OR4N2: variants seen among roughly 807,000 people sequenced by gnomAD.
OR4N2 encodes olfactory receptor family 4 subfamily N member 2.
For missense variants in OR4N2, 307 were observed against 377.6 expected (o/e 0.81, Z 1.55); for synonymous variants, 141 against 140.4 (o/e 1.00, Z -0.03).
intron 1 of OR4N2, among the ~76,000 whole-genome samples, chr14:19,806,352 C>T (rs1201407362): frequency 3.3e-5 from 5 of 149,732 alleles, no homozygotes; most frequent in Admixed American, 3.3e-4. Flanking sequence ...ATGAAACCCA[C>T]AGGGTCAAAG....
intron 1 of OR4N2, among the ~76,000 whole-genome samples, chr14:19,814,764 T>C (rs1209995248): frequency 1.3e-5 from 2 of 152,254 alleles, no homozygotes; most frequent in Non-Finnish European, 2.9e-5. Context: ...GGTGGCTTGC[T>C]GCACCCATCA....
In OR4N2 at chr14:19,828,644, G is replaced by A; in HGVS notation, c.*272G>A. The A allele has an allele frequency of 2.9e-6, 1 of 342,364 alleles. No individual in the cohort carries two copies. Among genetic ancestry groups the A allele is most frequent in the East Asian group, 5.8e-5 (1 of 17,334 alleles). The allele number at this position is 342,364 out of a possible 1,614,324, so 21.2% of individuals were successfully genotyped here. ...TAAAAACTAAAAAGAAAAGTGAAAT[G>A]ATAAATTGTGACTCTGGATTGGGAG... On this transcript the variant is annotated 3_prime_UTR_variant, in exon 2 of 2. Transcript: ENST00000557677.
chr14:19,818,702 G>A (rs1879488446), intron 1 of OR4N2, among the ~76,000 whole-genome samples: 3 of 152,084 alleles, frequency 2.0e-5, no homozygotes, highest in African/African-American at 7.3e-5. Context: ...ACATTGTTAT[G>A]TGTGAATTTG....
intron 1 of OR4N2, among the ~76,000 whole-genome samples, chr14:19,812,329 C>CTTTTTTTTTTTCTTTTCTTTTCTTTTCT (rs1879319669): frequency 8.5e-6 from 1 of 117,414 alleles, no homozygotes; most frequent in Non-Finnish European, 1.7e-5. Flanking sequence ...CTTTTCTTTT[C>CTTTTTTTTTTTCTTTTCTTTTCTTTTCT]TTTTTTTTTT....
intron 1 of OR4N2, among the ~76,000 whole-genome samples, chr14:19,804,278 C>T (rs543257354): frequency 6.6e-6 from 1 of 152,086 alleles, no homozygotes; most frequent in African/African-American, 2.4e-5. Flanking sequence ...TAGTTTCTCT[C>T]GGTGTGATGT....
chr14:19,805,472 G>A (rs1286551607), intron 1 of OR4N2, among the ~76,000 whole-genome samples: 1 of 152,204 alleles, frequency 6.6e-6, no homozygotes, highest in African/African-American at 2.4e-5. Flanking sequence ...CAGCAAAATA[G>A]ACCAAGCTAA....
At position 19,808,523 on chromosome 14, in the gene OR4N2, C is replaced by T. The variant is rs1295076120; in HGVS notation, c.-10+4679C>T. On this transcript the variant is annotated intron_variant, in intron 1 of 1. Transcript: ENST00000557677. ...TTAAATCCCTTGGAATACAGTTAAC[C>T]AGAAAACTCTACAAAATTAATGGCA... Among the ~76,000 whole-genome samples the T allele has an allele frequency of 2.6e-5, 4 of 151,700 alleles. No individual in the cohort carries two copies. In the East Asian group the frequency reaches 7.7e-4, roughly 29 times the overall value.
rs117025898 is a variant in OR4N2 at position 19,828,119 on chromosome 14, G to A, written c.671G>A (p.Arg224His). ...LLASYAVILC[R>H]IRGSSSEAKN... ...GCCTCCTATGCAGTCATTCTTTGTC[G>A]CATACGAGGGTCTTCTTCTGAGGCA... is the stretch of plus-strand genomic sequence containing the variant. The change falls in exon 2 of 2, where the codon CGC becomes CAC. Residue 224 changes from arginine to histidine, a missense_variant. Transcript: ENST00000557677. 18,379 of 1,612,530 alleles carry A rather than the reference G, an allele frequency of 0.011. 484 individuals are homozygous for A. The highest frequency in any genetic ancestry group is 0.11 in the Admixed American group (6,301 of 59,782).
intron 1 of OR4N2, among the ~76,000 whole-genome samples, chr14:19,824,534 A>G (rs1232661177): frequency 6.6e-6 from 1 of 152,258 alleles, no homozygotes; most frequent in Non-Finnish European, 1.5e-5. Flanking sequence ...CATAAAACAC[A>G]TGAGTAAGTA....
intron 1 of OR4N2, among the ~76,000 whole-genome samples, chr14:19,826,028 ATAAAG>A (rs1263489940): frequency 6.6e-6 from 1 of 152,254 alleles, no homozygotes; most frequent in East Asian, 1.9e-4. Context: ...ATATTTATTT[ATAAAG>A]TATATATAAA....
intron 1 of OR4N2, among the ~76,000 whole-genome samples, chr14:19,825,273 C>T (rs1879665007): frequency 6.6e-6 from 1 of 152,226 alleles, no homozygotes; most frequent in Non-Finnish European, 1.5e-5. Context: ...GTATTAACCA[C>T]TCTATTCCAT....
chr14:19,809,040 C>T (rs1335090385), intron 1 of OR4N2, among the ~76,000 whole-genome samples: 3 of 152,112 alleles, frequency 2.0e-5, no homozygotes, highest in Non-Finnish European at 4.4e-5. Flanking sequence ...TTTAGAAGCC[C>T]CTACTGAGGA....
chr14:19,816,797 T>C (rs144064454), intron 1 of OR4N2, among the ~76,000 whole-genome samples: 7,776 of 150,790 alleles, frequency 0.052, 68 homozygotes, highest in Non-Finnish European at 0.063. Flanking sequence ...ATGCTTCCAG[T>C]TTTTGCCCAT....
intron 1 of OR4N2, among the ~76,000 whole-genome samples, chr14:19,820,293 G>T (rs1253620199): frequency 6.6e-6 from 1 of 152,258 alleles, no homozygotes; most frequent in Non-Finnish European, 1.5e-5. Flanking sequence ...CTTCAGTTCT[G>T]CTCTGATCTT....
chr14:19,806,801 T>G (rs1371628702), intron 1 of OR4N2, among the ~76,000 whole-genome samples: 1 of 152,176 alleles, frequency 6.6e-6, no homozygotes, highest in Non-Finnish European at 1.5e-5. Context: ...ATCAACCACA[T>G]GCTTGATCAG....
At chr14:19,816,266 T>C (rs1359455100) in intron 1 of OR4N2, among the ~76,000 whole-genome samples, 13 of 151,702 alleles carry the variant, frequency 8.6e-5, no homozygotes, top group Non-Finnish European at 1.5e-4. Flanking sequence ...GGGGATAGCA[T>C]TGAATCTGTA....
At chr14:19,825,831 T>A (rs2138481933) in intron 1 of OR4N2, among the ~76,000 whole-genome samples, 1 of 152,356 alleles carries the variant, frequency 6.6e-6, no homozygotes, top group African/African-American at 2.4e-5. Context: ...GTGCTGGGAT[T>A]ACAGGCATGA....
intron 1 of OR4N2, among the ~76,000 whole-genome samples, chr14:19,816,535 C>T (rs1879432233): frequency 1.3e-5 from 2 of 152,222 alleles, no homozygotes; most frequent in South Asian, 4.1e-4. Context: ...AATTTTTGCA[C>T]ATTGATTTTG....
intron 1 of OR4N2, among the ~76,000 whole-genome samples, chr14:19,814,173 G>A (rs1174709759): frequency 6.6e-6 from 1 of 152,038 alleles, no homozygotes; most frequent in Admixed American, 6.6e-5. Context: ...AAATAAATTT[G>A]TATTTATTTT....
Sources: allele counts gnomAD v4.1 joint callset (sites outside exome capture counted in the v4.1 genomes callset), GRCh38; gene constraint gnomAD v4.1.1; transcripts MANE v1.5; gene names NCBI Gene and HGNC (gene_info 2026-07-23, HGNC 2026-07-21).